Variants in KMT2C observed in about 807,000 individuals in gnomAD.
KMT2C encodes histone-lysine N-methyltransferase 2C.
In KMT2C, 88 loss-of-function variants were observed where a neutral mutation model predicts 507.9. That is an observed-to-expected ratio of 0.17 (90% CI 0.15 to 0.21). The LOEUF (loss-of-function observed/expected upper bound fraction) is 0.21. Among genes scored for constraint, KMT2C ranks in the 10% least tolerant of loss-of-function variants. The pLI, the probability that KMT2C is intolerant of heterozygous loss-of-function variation, is 1.00. For synonymous variants in KMT2C, 2,049 were observed against 2,080.8 expected (o/e 0.98, Z 0.42); for missense variants, 4,954 against 5,957.8 (o/e 0.83, Z 5.55).
At chr7:152,348,875 C>T (rs1223502525) in intron 2 of KMT2C, among the ~76,000 whole-genome samples, 1 of 152,154 alleles carries the variant, frequency 6.6e-6, no homozygotes, top group African/African-American at 2.4e-5. Context: ...CAAAATGGCA[C>T]AGCCACTTTG....
Position 152,310,962 on chromosome 7 carries a change from G to A in KMT2C, c.739+836C>T, listed in dbSNP as rs372745173. ...CAGCCTGCCAAAGTGCTGGGATTAC[G>A]GGCTGTGAGCCACCGTGCCCTGCCA... is the stretch of plus-strand genomic sequence containing the variant. On this transcript the variant is annotated intron_variant, in intron 5 of 58. Coordinates refer to ENST00000262189, the MANE Select transcript of KMT2C (RefSeq NM_170606.3). Among the ~76,000 whole-genome samples, 123 of 151,960 alleles carry A rather than the reference G, an allele frequency of 8.1e-4. 1 individual carries two copies. Among genetic ancestry groups the A allele is most frequent in the African/African-American group, 1.6e-3 (65 of 41,440 alleles).
At chr7:152,384,381 C>T (rs1296681696) in intron 1 of KMT2C, among the ~76,000 whole-genome samples, 1 of 152,198 alleles carries the variant, frequency 6.6e-6, no homozygotes, top group African/African-American at 2.4e-5. Flanking sequence ...CAAACTCTCA[C>T]ATCTCAGAGC....
chr7:152,258,419 C>T (rs200477152), intron 9 of KMT2C, among the ~76,000 whole-genome samples: 1 of 152,084 alleles, frequency 6.6e-6, no homozygotes, highest in Non-Finnish European at 1.5e-5. Flanking sequence ...CTGGTAAATG[C>T]GGTGGGAGTG....
chr7:152,216,888 C>A (rs567740885), intron 23 of KMT2C, among the ~76,000 whole-genome samples: 4 of 152,310 alleles, frequency 2.6e-5, no homozygotes, highest in South Asian at 4.1e-4. Flanking sequence ...TAATAGCTCA[C>A]GGTTACTGAG....
intron 25 of KMT2C, among the ~76,000 whole-genome samples, 155 bp from the exon 26 acceptor site, chr7:152,203,219 A>G (rs2094198212): frequency 6.6e-6 from 1 of 152,126 alleles, no homozygotes; most frequent in African/African-American, 2.4e-5. Flanking sequence ...TGTTACTTTT[A>G]AGTGCCATAA....
At chr7:152,390,228 A>T (rs532393302) in intron 1 of KMT2C, among the ~76,000 whole-genome samples, 11 of 54,834 alleles carry the variant, frequency 2.0e-4, no homozygotes, top group South Asian at 4.9e-4. Context: ...ATTTTTTTTT[A>T]AATTGTAAAG....
At chr7:152,398,954 G>A (rs2097554311) in intron 1 of KMT2C, among the ~76,000 whole-genome samples, 1 of 151,922 alleles carries the variant, frequency 6.6e-6, no homozygotes, top group Non-Finnish European at 1.5e-5. Context: ...CAGCCTCTGA[G>A]TAGGTAGGAC....
At chr7:152,427,378 G>A (rs2097829168) in intron 1 of KMT2C, among the ~76,000 whole-genome samples, 1 of 152,170 alleles carries the variant, frequency 6.6e-6, no homozygotes, top group African/African-American at 2.4e-5. Context: ...TATACACACA[G>A]TTTGGGTTTA....
chr7:152,235,222 T>C (rs2095242950), intron 16 of KMT2C, among the ~76,000 whole-genome samples: 1 of 151,432 alleles, frequency 6.6e-6, no homozygotes, highest in South Asian at 2.1e-4. Flanking sequence ...TATATATATA[T>C]ATCAAAGCTT....
rs2129098550 is a variant in KMT2C at position 152,154,142 on chromosome 7, T to C, written c.12144A>G (p.Ser4048=). 1.2e-6 allele frequency: 2 copies of C among 1,613,888 alleles called. No homozygotes were observed. The highest frequency in any genetic ancestry group is 1.1e-5 in the South Asian group (1 of 90,952). The change falls in exon 48 of 59, where the codon TCA becomes TCG. Residue 4048 remains serine, a synonymous_variant. Coordinates refer to ENST00000262189, the MANE Select transcript of KMT2C (RefSeq NM_170606.3). ...TTTTGATGTCATTCCTTCTTGATTCTGAACCTTTAAAAAGAGAGAAAAAAA... is the reference window on the plus strand; with the variant it reads ...TTTTGATGTCATTCCTTCTTGATTCCGAACCTTTAAAAAGAGAGAAAAAAA... ...PILPSTAGKS[S]ESRRNDIKTE...
Position 152,249,869 on chromosome 7 carries a change from T to G in KMT2C, c.1813+7A>C, listed in dbSNP as rs758654182. On this transcript the variant is annotated splice_region_variant and intron_variant, in intron 13 of 58. Transcript: ENST00000262189. ...ATCAAATTAGACAATATGAACATAC[T>G]GCTTACCAGCAATAAGAAGACTATC... The G allele has an allele frequency of 2.0e-6, 3 of 1,532,068 alleles. No individual in the cohort carries two copies. The Admixed American group carries it at 5.0e-5, about 26-fold the overall frequency. 94.9% of individuals were successfully genotyped at this position (1,532,068 alleles called of 1,614,324 possible).
chr7:152,210,138 G>A lies in KMT2C; in HGVS notation c.3713-2710C>T, dbSNP rs140268441. Among the ~76,000 whole-genome samples the A allele has an allele frequency of 5.0e-3, 758 of 152,244 alleles. 5 individuals are homozygous for A. The highest frequency in any genetic ancestry group is 8.0e-3 in the Non-Finnish European group (543 of 68,012). On this transcript the variant is annotated intron_variant, in intron 23 of 58. Coordinates refer to ENST00000262189, the MANE Select transcript of KMT2C (RefSeq NM_170606.3). Reference sequence around the variant, plus strand: ...CTGCCAGACCCCACGTTTCCCCACTGAATTCTCAGAAAGCTAGCAGCCAGA... The same window carrying A: ...CTGCCAGACCCCACGTTTCCCCACTAAATTCTCAGAAAGCTAGCAGCCAGA...
At chr7:152,425,981 T>C (rs1437957994) in intron 1 of KMT2C, among the ~76,000 whole-genome samples, 1 of 152,144 alleles carries the variant, frequency 6.6e-6, no homozygotes, top group Non-Finnish European at 1.5e-5. Context: ...AAAAATCTAC[T>C]CTAACAACAT....
chr7:152,164,584 C>T (rs569421001), intron 42 of KMT2C, among the ~76,000 whole-genome samples: 35 of 152,218 alleles, frequency 2.3e-4, no homozygotes, highest in African/African-American at 8.2e-4. Context: ...CCACTGCGCC[C>T]GGCCTGTACA....
chr7:152,384,719 T>G (rs549432391), intron 1 of KMT2C, among the ~76,000 whole-genome samples: 2 of 152,416 alleles, frequency 1.3e-5, no homozygotes, highest in South Asian at 4.1e-4. Context: ...AATAATAATT[T>G]TAAAAATTTA....
chr7:152,168,136 C>G (rs894881390), intron 41 of KMT2C, among the ~76,000 whole-genome samples: 2 of 151,668 alleles, frequency 1.3e-5, no homozygotes, highest in African/African-American at 2.4e-5. Flanking sequence ...TCATTGATAC[C>G]CAGTCCAAGG....
In KMT2C at chr7:152,180,802, G is replaced by T; in HGVS notation, c.7058C>A (p.Ser2353Tyr). ...HSQGQQFSGV[S>Y]QLPGPVPTSG... is the part of the protein sequence containing the mutation. ...AGTTGGCACAGGTCCAGGAAGTTGGGAGACACCAGAGAACTGCTGGCCTTG... is the reference window on the plus strand; with the variant it reads ...AGTTGGCACAGGTCCAGGAAGTTGGTAGACACCAGAGAACTGCTGGCCTTG... The change falls in exon 36 of 59, where the codon TCC (serine) becomes TAC (tyrosine). Residue 2353 changes from serine (S) to tyrosine (Y), a missense_variant. Coordinates refer to ENST00000262189, the MANE Select transcript of KMT2C (RefSeq NM_170606.3). 1 of 1,614,164 alleles carries T rather than the reference G, an allele frequency of 6.2e-7. No homozygotes were observed. Among genetic ancestry groups the T allele is most frequent in the Non-Finnish European group, 8.5e-7 (1 of 1,180,018 alleles).
chr7:152,139,058 T>C, intron 57 of KMT2C, 128 bp downstream of exon 57: 1 of 1,014,606 alleles, frequency 9.9e-7, no homozygotes. Flanking sequence ...AATTCTCAAC[T>C]CATTTGCTCT....
At chr7:152,303,851 G>A (rs1220905264) in intron 6 of KMT2C, among the ~76,000 whole-genome samples, 3 of 152,128 alleles carry the variant, frequency 2.0e-5, no homozygotes, top group South Asian at 2.1e-4. Context: ...AGCCAGGCGT[G>A]GTGGTCCACG....
Sources: allele counts gnomAD v4.1 joint callset (sites outside exome capture counted in the v4.1 genomes callset), GRCh38; gene constraint gnomAD v4.1.1; transcripts MANE v1.5; gene names NCBI Gene and HGNC (gene_info 2026-07-23, HGNC 2026-07-21).